Variants in PCSK5 observed in about 807,000 individuals in gnomAD.
PCSK5 encodes the protein prohormone convertase 5.
Under a neutral mutation model 233.2 loss-of-function variants are expected in PCSK5, and 129 were observed. The observed-to-expected ratio is 0.55, with a 90% confidence interval of 0.48 to 0.64. The LOEUF is 0.64. Ranked by LOEUF, PCSK5 falls within the 30% of genes least tolerant of loss-of-function variation. The probability of loss-of-function intolerance (pLI) is 0.00; values close to 1 mark genes in which losing one functional copy is unlikely to be tolerated. For missense variants in PCSK5, 2,076 were observed against 2,430.1 expected, an observed-to-expected ratio of 0.85 and a Z score of 3.06; for synonymous variants, 825 against 879.2, an observed-to-expected ratio of 0.94 and a Z score of 1.09.
chr9:75,964,163 T>TC (rs1825476808), intron 2 of PCSK5, among the ~76,000 whole-genome samples: 1 of 152,164 alleles, frequency 6.6e-6, no homozygotes, highest in Non-Finnish European at 1.5e-5. Flanking sequence ...TCGTTTTTTT[T>TC]CCTCAAGAGA....
At chr9:76,274,167 T>C (rs1357764298) in intron 24 of PCSK5, among the ~76,000 whole-genome samples, 1 of 152,062 alleles carries the variant, frequency 6.6e-6, no homozygotes, top group Non-Finnish European at 1.5e-5. Context: ...CTTTTCTTTA[T>C]ATCTATCTTT....
Position 75,902,214 on chromosome 9 carries a change from T to TAAAAAAAAAAAAA in PCSK5, c.192+10858_192+10870dup, listed in dbSNP as rs200579439. Among the ~76,000 whole-genome samples the TAAAAAAAAAAAAA allele has an allele frequency of 8.9e-3, 471 of 53,122 alleles. 6 individuals carry two copies. The highest frequency in any genetic ancestry group is 0.012 in the Non-Finnish European group (341 of 28,838). The allele number at this position is 53,122 out of a possible 152,430, so 34.9% of individuals were successfully genotyped here. A position where few individuals can be genotyped will look rare whatever the true frequency, so the allele number is the denominator to read the frequency against. ...CTGGGTGACAGAGTGAGACACCATC[T>TAAAAAAAAAAAAA]AAAAAAAAAAAAAAAAAAAAAAAAA... On this transcript the variant is annotated intron_variant, in intron 1 of 37. Coordinates refer to ENST00000674117, the MANE Select transcript of PCSK5 (RefSeq NM_001372043.1).
intron 9 of PCSK5, among the ~76,000 whole-genome samples, chr9:76,129,559 G>C (rs1822671116): frequency 6.6e-6 from 1 of 152,102 alleles, no homozygotes; most frequent in Non-Finnish European, 1.5e-5. Context: ...GGTTGAGCGG[G>C]AGGTTGGTTA....
chr9:76,277,685 C>A (rs1309789940), intron 24 of PCSK5, among the ~76,000 whole-genome samples: 1 of 152,216 alleles, frequency 6.6e-6, no homozygotes, highest in African/African-American at 2.4e-5. Context: ...AACCCCCAAC[C>A]AAATACTTTG....
intron 37 of PCSK5, among the ~76,000 whole-genome samples, chr9:76,355,272 A>ACT (rs2131531105): frequency 6.6e-6 from 1 of 152,272 alleles, no homozygotes; most frequent in Non-Finnish European, 1.5e-5. Flanking sequence ...GGAGATCGAG[A>ACT]ACGTCCTGGC....
chr9:76,043,264 A>G (rs369954974), intron 5 of PCSK5, among the ~76,000 whole-genome samples: 5 of 131,350 alleles, frequency 3.8e-5, no homozygotes, highest in African/African-American at 1.4e-4. Flanking sequence ...TGTACCCGGG[A>G]GGTGGAGCTT....
intron 5 of PCSK5, among the ~76,000 whole-genome samples, chr9:76,033,288 TACAA>T (rs1828722873): frequency 6.6e-6 from 1 of 152,196 alleles, no homozygotes; most frequent in African/African-American, 2.4e-5. Flanking sequence ...CCTTAACACG[TACAA>T]ACATTTTTTC....
chr9:76,325,317 G>A (rs1278333189), intron 32 of PCSK5, among the ~76,000 whole-genome samples: 3 of 152,194 alleles, frequency 2.0e-5, no homozygotes, highest in Non-Finnish European at 2.9e-5. Flanking sequence ...CATACAGAGA[G>A]CTTTACAGGT....
At chr9:75,920,538 G>T (rs1162486445) in intron 1 of PCSK5, among the ~76,000 whole-genome samples, 5 of 152,028 alleles carry the variant, frequency 3.3e-5, no homozygotes, top group African/African-American at 4.8e-5. Context: ...GGTGGTATGG[G>T]TCATGCTTGT....
intron 12 of PCSK5, among the ~76,000 whole-genome samples, chr9:76,161,588 C>T (rs1163797683): frequency 6.6e-6 from 1 of 152,088 alleles, no homozygotes; most frequent in Non-Finnish European, 1.5e-5. Flanking sequence ...ACAGTCCCTC[C>T]GCTGTTGCTG....
intron 3 of PCSK5, among the ~76,000 whole-genome samples, chr9:76,020,730 A>G (rs1279784423): frequency 6.6e-6 from 1 of 152,238 alleles, no homozygotes; most frequent in Non-Finnish European, 1.5e-5. Flanking sequence ...TGTTTTCCGT[A>G]GACGGCTGGT....
intron 1 of PCSK5, among the ~76,000 whole-genome samples, chr9:75,919,830 C>T (rs1396944321): frequency 2.6e-5 from 4 of 152,190 alleles, no homozygotes; most frequent in Non-Finnish European, 4.4e-5. Flanking sequence ...CAGGTGCTAA[C>T]TCTACCAGTC....
At chr9:76,282,785 AGT>A (rs1300660251) in intron 24 of PCSK5, among the ~76,000 whole-genome samples, 2 of 152,146 alleles carry the variant, frequency 1.3e-5, no homozygotes, top group Non-Finnish European at 2.9e-5. Flanking sequence ...CATCTCCCAT[AGT>A]AGTCCCCAGT....
intron 2 of PCSK5, among the ~76,000 whole-genome samples, chr9:75,966,336 A>G (rs1318808709): frequency 6.6e-6 from 1 of 152,072 alleles, no homozygotes; most frequent in African/African-American, 2.4e-5. Flanking sequence ...TGAAACAAAA[A>G]CTCTACTGTA....
At chr9:76,054,910 C>G (rs1398758124) in intron 5 of PCSK5, among the ~76,000 whole-genome samples, 1 of 152,062 alleles carries the variant, frequency 6.6e-6, no homozygotes, top group Non-Finnish European at 1.5e-5. Flanking sequence ...TTTTTAAAAG[C>G]TTGCTAGTTA....
At chr9:76,151,057 C>T (rs767623880) in intron 10 of PCSK5, among the ~76,000 whole-genome samples, 4 of 150,720 alleles carry the variant, frequency 2.7e-5, no homozygotes, top group Admixed American at 6.6e-5. Context: ...GCGTGTGGGA[C>T]GTGGCAACTT....
chr9:76,214,022 C>A (rs1413217282), intron 20 of PCSK5, among the ~76,000 whole-genome samples: 1 of 149,164 alleles, frequency 6.7e-6, no homozygotes, highest in Admixed American at 6.6e-5. Flanking sequence ...GCCACGGAGA[C>A]CCCAGAATAA....
intron 25 of PCSK5, 98 bp from the exon 26 acceptor site, chr9:76,295,177 C>CA: frequency 8.8e-7 from 1 of 1,136,268 alleles, no homozygotes; most frequent in South Asian, 1.6e-5. Context: ...CAAAACGAAA[C>CA]AAAAAACTCT....
At chr9:76,157,390 G>T (rs956333306) in intron 11 of PCSK5, among the ~76,000 whole-genome samples, 1 of 152,120 alleles carries the variant, frequency 6.6e-6, no homozygotes, top group Non-Finnish European at 1.5e-5. Flanking sequence ...AGGGATTGGG[G>T]GATATGCTTA....
Sources: gnomAD v4.1 joint callset for allele counts (sites outside exome capture counted in the v4.1 genomes callset) on GRCh38, gnomAD v4.1.1 for gene constraint, MANE v1.5 for transcripts, NCBI Gene and HGNC (gene_info 2026-07-23, HGNC 2026-07-21) for gene names.